LNP1: variants seen among roughly 807,000 people sequenced by gnomAD.
The protein encoded by LNP1 is leukemia NUP98 fusion partner 1.
Under a neutral mutation model 14.5 loss-of-function variants are expected in LNP1, and 12 were observed. The ratio of observed to expected loss-of-function variants is 0.83; its 90% CI spans 0.53 to 1.34. LNP1 has a LOEUF of 1.34. Ranked by LOEUF, LNP1 falls within the 40% of genes most tolerant of loss-of-function variation. LNP1 has a pLI of 0.00. For synonymous variants in LNP1, 75 were observed against 71.4 expected, an observed-to-expected ratio of 1.05 and a Z score of -0.26; for missense variants, 198 against 210.9, an observed-to-expected ratio of 0.94 and a Z score of 0.38.
At chr3:100,419,354 A>T (rs909196780) in intron 1 of LNP1, among the ~76,000 whole-genome samples, 9 of 152,194 alleles carry the variant, frequency 5.9e-5, no homozygotes, top group African/African-American at 1.9e-4. Context: ...ATAAGTGTAC[A>T]CAGAAGTCCC....
chr3:100,422,692 T>G (rs1266121920), intron 1 of LNP1, among the ~76,000 whole-genome samples: 1 of 152,098 alleles, frequency 6.6e-6, no homozygotes, highest in Non-Finnish European at 1.5e-5. Context: ...AAGCCCACCT[T>G]TAGCCAAAAT....
At chr3:100,445,148 A>G (rs923455520) in intron 2 of LNP1, among the ~76,000 whole-genome samples, 4 of 152,164 alleles carry the variant, frequency 2.6e-5, no homozygotes, top group Non-Finnish European at 5.9e-5. Context: ...GGTGGGCACC[A>G]GTCATCTCAG....
chr3:100,427,457 C>T (rs1317145482), intron 1 of LNP1, among the ~76,000 whole-genome samples: 3 of 152,166 alleles, frequency 2.0e-5, no homozygotes, highest in Non-Finnish European at 4.4e-5. Flanking sequence ...CCTCTCACAA[C>T]AGACATCATC....
chr3:100,455,452 C>T (rs936604715), intron 3 of LNP1, among the ~76,000 whole-genome samples: 7 of 152,212 alleles, frequency 4.6e-5, no homozygotes, highest in Admixed American at 2.6e-4. Flanking sequence ...TGCCACTTTC[C>T]GTTTCAAAAA....
At chr3:100,434,568 G>A (rs1485369012) in intron 2 of LNP1, among the ~76,000 whole-genome samples, 1 of 145,604 alleles carries the variant, frequency 6.9e-6, no homozygotes, top group East Asian at 2.0e-4. Context: ...TCATTCTATT[G>A]CCCAGGCTGG....
At chr3:100,417,696 C>T (rs775370128) in intron 1 of LNP1, among the ~76,000 whole-genome samples, 1 of 151,966 alleles carries the variant, frequency 6.6e-6, no homozygotes, top group Admixed American at 6.6e-5. Context: ...TTTTTCAATA[C>T]GTAGTTTTAA....
At chr3:100,431,191 G>A (rs906059734) in intron 2 of LNP1, among the ~76,000 whole-genome samples, 4 of 152,130 alleles carry the variant, frequency 2.6e-5, no homozygotes, top group Non-Finnish European at 5.9e-5. Context: ...TGAAGCCACA[G>A]GAAATATGAA....
intron 1 of LNP1, among the ~76,000 whole-genome samples, chr3:100,406,520 GC>G (rs1706968164): frequency 6.6e-6 from 1 of 151,880 alleles, no homozygotes; most frequent in East Asian, 1.9e-4. Context: ...GTTTTTGATT[GC>G]TTGATTTTTA....
intron 1 of LNP1, among the ~76,000 whole-genome samples, chr3:100,407,106 C>T (rs1356934620): frequency 6.6e-5 from 10 of 152,180 alleles, no homozygotes; most frequent in Admixed American, 6.5e-4. Context: ...TACACACCCT[C>T]ATTACAGTAT....
At chr3:100,403,963 C>T (rs1053167149) in intron 1 of LNP1, among the ~76,000 whole-genome samples, 2 of 152,206 alleles carry the variant, frequency 1.3e-5, no homozygotes, top group Admixed American at 1.3e-4. Flanking sequence ...CCAAACCTTC[C>T]AGCCAGTGCA....
In LNP1 at chr3:100,456,228, T is replaced by C; in HGVS notation, c.*302T>C. 4.8e-6 allele frequency: 1 copy of C among 206,206 alleles called. No homozygotes were observed. Among genetic ancestry groups the C allele is most frequent in the Non-Finnish European group, 9.6e-6 (1 of 104,352 alleles). The allele number at this position is 206,206 out of a possible 1,614,324, so 12.8% of individuals were successfully genotyped here. On this transcript the variant is annotated 3_prime_UTR_variant, in exon 4 of 4. Coordinates refer to ENST00000383693, the MANE Select transcript of LNP1 (RefSeq NM_001085451.2). ...AATAAAGAAAAATTTGAAAATATAA[T>C]GGAAGGTATTTAAAGAGCCACCCAC...
rs999840070 is a variant in LNP1, at chr3:100,401,656, A to T, written c.-817A>T. On this transcript the variant is annotated 5_prime_UTR_variant, in exon 1 of 4. Coordinates refer to ENST00000383693, the MANE Select transcript of LNP1 (RefSeq NM_001085451.2). ...GAAGGACTTTTAAAGATGTGTGAGG[A>T]AAGAGCTCACCGCTGAAGAAGGCTG... is the stretch of plus-strand genomic sequence containing the variant. 1 of 152,368 alleles carries T rather than the reference A, an allele frequency of 6.6e-6. No homozygotes were observed. The highest frequency in any genetic ancestry group is 6.5e-5 in the Admixed American group (1 of 15,282). The allele number at this position is 152,368 out of a possible 1,614,324, so 9.4% of individuals were successfully genotyped here.
At chr3:100,426,495 C>T (rs1707193992) in intron 1 of LNP1, among the ~76,000 whole-genome samples, 1 of 152,228 alleles carries the variant, frequency 6.6e-6, no homozygotes, top group African/African-American at 2.4e-5. Flanking sequence ...TTTCTAAGCC[C>T]TGTTTACACG....
chr3:100,426,026 T>C (rs950720865), intron 1 of LNP1, among the ~76,000 whole-genome samples: 1 of 152,136 alleles, frequency 6.6e-6, no homozygotes, highest in Non-Finnish European at 1.5e-5. Flanking sequence ...CCATAAGGGG[T>C]CAAGAGCCCT....
At chr3:100,418,226 AT>A (rs774975365) in intron 1 of LNP1, among the ~76,000 whole-genome samples, 2,945 of 139,492 alleles carry the variant, frequency 0.021, 44 homozygotes, top group African/African-American at 0.051. Context: ...CACCCGGCTA[AT>A]TTTTTTTTTT....
At chr3:100,431,926 T>A (rs1225016549) in intron 2 of LNP1, among the ~76,000 whole-genome samples, 6 of 138,380 alleles carry the variant, frequency 4.3e-5, no homozygotes, top group African/African-American at 1.6e-4. Context: ...GCCCAAGAGG[T>A]CGAGGCTGCA....
intron 1 of LNP1, among the ~76,000 whole-genome samples, chr3:100,403,409 G>C (rs1559837979): frequency 6.6e-6 from 1 of 151,768 alleles, no homozygotes; most frequent in Non-Finnish European, 1.5e-5. Context: ...CCTTTGATCT[G>C]TATCTTAGGA....
chr3:100,451,591 C>T, intron 2 of LNP1, 128 bp from the exon 3 acceptor site: 1 of 604,994 alleles, frequency 1.7e-6, no homozygotes, highest in Non-Finnish European at 2.9e-6. Context: ...GTTTTATTTT[C>T]CTTTCACAAA....
chr3:100,404,824 G>T (rs1212448569), intron 1 of LNP1, among the ~76,000 whole-genome samples: 2 of 125,414 alleles, frequency 1.6e-5, no homozygotes, highest in South Asian at 2.4e-4. Context: ...ATGGAATTTC[G>T]CTCTGTTGCC....
Sources: gnomAD v4.1 joint callset for allele counts (sites outside exome capture counted in the v4.1 genomes callset) on GRCh38, gnomAD v4.1.1 for gene constraint, MANE v1.5 for transcripts, NCBI Gene and HGNC (gene_info 2026-07-23, HGNC 2026-07-21) for gene names.